The following NEGR1 variants were observed in gnomAD, a reference collection of about 807,000 sequenced individuals.
NEGR1 encodes neuronal growth regulator 1, also known as IgLON family member 4.
NEGR1 carries 10 observed loss-of-function variants against 40.9 expected under a neutral mutation model. The observed-to-expected ratio is 0.24, with a 90% confidence interval of 0.15 to 0.42. NEGR1 has a LOEUF of 0.42. NEGR1 is among the 10% of genes least tolerant of loss of function. The pLI, the probability that NEGR1 is intolerant of heterozygous loss-of-function variation, is 1.00. For synonymous variants in NEGR1, 185 were observed against 166.8 expected (o/e 1.11, Z -0.84); for missense variants, 352 against 438.9 (o/e 0.80, Z 1.77).
Position 72,103,272 on chromosome 1 carries a change from G to A in NEGR1, c.177-167961C>T, listed in dbSNP as rs1002573578. 2.0e-5 allele frequency among the ~76,000 whole-genome samples: 3 copies of A among 152,024 alleles called. No individual in the cohort carries two copies. The East Asian group carries it at 5.8e-4, about 29-fold the overall frequency. On this transcript the variant is annotated intron_variant, in intron 1 of 6. Transcript: ENST00000357731. Reference sequence around the variant, plus strand: ...CACTGAGGCTATTTGAGTAAAGACTGTTAATGAAGAACATTTTAAAATGAA... The same window carrying A: ...CACTGAGGCTATTTGAGTAAAGACTATTAATGAAGAACATTTTAAAATGAA...
chr1:71,661,569 T>C (rs888739795), intron 4 of NEGR1, among the ~76,000 whole-genome samples: 1 of 152,202 alleles, frequency 6.6e-6, no homozygotes, highest in Non-Finnish European at 1.5e-5. Context: ...ACAAATATTA[T>C]GTATATTGTC....
intron 1 of NEGR1, among the ~76,000 whole-genome samples, chr1:72,139,417 A>AT (rs1329099815): frequency 6.6e-6 from 1 of 152,052 alleles, no homozygotes; most frequent in Non-Finnish European, 1.5e-5. Flanking sequence ...TCAGAAAAAA[A>AT]TAAAAATATT....
intron 1 of NEGR1, among the ~76,000 whole-genome samples, chr1:72,199,569 A>G (rs914853520): frequency 2.6e-5 from 4 of 152,006 alleles, no homozygotes; most frequent in Non-Finnish European, 5.9e-5. Context: ...TTGACATTAA[A>G]TAAGTCAATC....
chr1:71,619,334 C>T (rs1298001052), intron 4 of NEGR1, among the ~76,000 whole-genome samples: 2 of 152,070 alleles, frequency 1.3e-5, no homozygotes, highest in Non-Finnish European at 2.9e-5. Flanking sequence ...CCCTCCATTG[C>T]TCTGTGAATT....
intron 6 of NEGR1, among the ~76,000 whole-genome samples, chr1:71,474,543 C>G (rs994429972): frequency 3.3e-5 from 5 of 150,544 alleles, no homozygotes; most frequent in African/African-American, 1.2e-4. Context: ...CACACACACA[C>G]ACACACACAC....
chr1:72,060,423 AC>A (rs1647156373), intron 1 of NEGR1, among the ~76,000 whole-genome samples: 2 of 151,680 alleles, frequency 1.3e-5, no homozygotes, highest in Non-Finnish European at 3.0e-5. Context: ...AAGGGTACAA[AC>A]TTTTATTACA....
intron 4 of NEGR1, among the ~76,000 whole-genome samples, chr1:71,656,044 T>G (rs533108447): frequency 8.5e-5 from 13 of 152,282 alleles, no homozygotes; most frequent in African/African-American, 2.9e-4. Context: ...TCATAGAATA[T>G]CCCATTTATA....
intron 1 of NEGR1, among the ~76,000 whole-genome samples, chr1:72,057,926 C>T (rs931585565): frequency 6.6e-6 from 1 of 151,474 alleles, no homozygotes; most frequent in African/African-American, 2.4e-5. Context: ...TTCCTAAAAG[C>T]CCTATCCGCA....
chr1:72,199,279 C>A (rs1653116750), intron 1 of NEGR1, among the ~76,000 whole-genome samples: 2 of 151,616 alleles, frequency 1.3e-5, no homozygotes, highest in Admixed American at 1.3e-4. Flanking sequence ...GGGTGCCATG[C>A]ACATTGCTGT....
At chr1:71,672,061 G>A (rs191619561) in intron 4 of NEGR1, among the ~76,000 whole-genome samples, 2 of 151,760 alleles carry the variant, frequency 1.3e-5, no homozygotes, top group Admixed American at 6.6e-5. Context: ...TTCAACCATA[G>A]TAAAAACTCT....
At chr1:72,086,225 A>G (rs995357757) in intron 1 of NEGR1, among the ~76,000 whole-genome samples, 5 of 152,198 alleles carry the variant, frequency 3.3e-5, no homozygotes, top group Non-Finnish European at 2.9e-5. Flanking sequence ...CTCATTATTG[A>G]CAAAACTATC....
intron 1 of NEGR1, among the ~76,000 whole-genome samples, chr1:72,133,022 A>T (rs1157902247): frequency 6.6e-6 from 1 of 152,126 alleles, no homozygotes; most frequent in Non-Finnish European, 1.5e-5. Flanking sequence ...CATTGAAACA[A>T]TTCTGGCTTC....
intron 6 of NEGR1, among the ~76,000 whole-genome samples, chr1:71,541,307 TG>T (rs1441020927): frequency 6.6e-6 from 1 of 151,734 alleles, no homozygotes; most frequent in Non-Finnish European, 1.5e-5. Context: ...ATTTCTGACC[TG>T]GGTCCACAAT....
intron 1 of NEGR1, among the ~76,000 whole-genome samples, chr1:72,236,452 A>C (rs1234617657): frequency 6.6e-6 from 1 of 151,984 alleles, no homozygotes; most frequent in African/African-American, 2.4e-5. Flanking sequence ...GAAGAAGAAA[A>C]AAATGCAAAA....
chr1:71,758,186 T>C (rs1252806365), intron 3 of NEGR1, among the ~76,000 whole-genome samples: 1 of 152,108 alleles, frequency 6.6e-6, no homozygotes, highest in African/African-American at 2.4e-5. Context: ...CTATATAATA[T>C]TGCCTTTTCA....
At chr1:71,539,349 T>C (rs1647614638) in intron 6 of NEGR1, among the ~76,000 whole-genome samples, 1 of 151,714 alleles carries the variant, frequency 6.6e-6, no homozygotes, top group South Asian at 2.1e-4. Flanking sequence ...AGAAAACCAT[T>C]TCTATTAATC....
intron 6 of NEGR1, among the ~76,000 whole-genome samples, chr1:71,581,129 T>C (rs1649121504): frequency 6.6e-6 from 1 of 152,178 alleles, no homozygotes; most frequent in Admixed American, 6.5e-5. Flanking sequence ...GTCTGTATTG[T>C]AGAAATATTA....
chr1:71,669,291 T>C (rs1403428288), intron 4 of NEGR1, among the ~76,000 whole-genome samples: 4 of 152,230 alleles, frequency 2.6e-5, no homozygotes, highest in African/African-American at 9.6e-5. Flanking sequence ...CTGGACAGTC[T>C]TTTAATTAGA....
intron 6 of NEGR1, chr1:71,484,751 A>C (rs1646876029): frequency 6.6e-6 from 1 of 151,734 alleles, no homozygotes; most frequent in Non-Finnish European, 1.5e-5. Flanking sequence ...AGATCATATA[A>C]ATCTAAGTGT....
Sources: gnomAD v4.1 joint callset for allele counts (sites outside exome capture counted in the v4.1 genomes callset) on GRCh38, gnomAD v4.1.1 for gene constraint, MANE v1.5 for transcripts, NCBI Gene and HGNC (gene_info 2026-07-23, HGNC 2026-07-21) for gene names.